The following GRIK1 variants were observed in gnomAD, a reference collection of about 807,000 sequenced individuals.
GRIK1 encodes glutamate ionotropic receptor kainate type subunit 1.
GRIK1 carries 69 observed loss-of-function variants against 105.7 expected under a neutral mutation model. The observed-to-expected ratio is 0.65, with a 90% CI of 0.54 to 0.80. The LOEUF is 0.80. Ranked by LOEUF, GRIK1 falls within the 30% of genes least tolerant of loss-of-function variation. GRIK1 has a pLI of 0.00. For synonymous variants in GRIK1, 438 were observed against 431.3 expected (o/e 1.02, Z -0.19); for missense variants, 1,109 against 1,167.3 (o/e 0.95, Z 0.73).
chr21:29,786,051 G>T (rs2066251878), intron 1 of GRIK1, among the ~76,000 whole-genome samples: 1 of 152,186 alleles, frequency 6.6e-6, no homozygotes, highest in African/African-American at 2.4e-5. Flanking sequence ...GTGCAGTGGC[G>T]ATCTCCGCTC....
chr21:29,751,743 G>T (rs111610746), intron 1 of GRIK1, among the ~76,000 whole-genome samples: 1 of 152,126 alleles, frequency 6.6e-6, no homozygotes, highest in African/African-American at 2.4e-5. Context: ...TGTCCTGGTG[G>T]GTACTGGTAC....
At chr21:29,557,963 C>T (rs2090297483) in intron 15 of GRIK1, among the ~76,000 whole-genome samples, 1 of 152,176 alleles carries the variant, frequency 6.6e-6, no homozygotes, top group Non-Finnish European at 1.5e-5. Context: ...CTCCAGGCTG[C>T]GCAATACCTA....
chr21:29,802,433 C>T (rs1222370119), intron 1 of GRIK1, among the ~76,000 whole-genome samples: 1 of 152,054 alleles, frequency 6.6e-6, no homozygotes, highest in Non-Finnish European at 1.5e-5. Flanking sequence ...TCTGCCTCTT[C>T]CCACCTCCAA....
intron 7 of GRIK1, among the ~76,000 whole-genome samples, chr21:29,631,887 G>A (rs908343329): frequency 2.6e-5 from 4 of 152,010 alleles, no homozygotes; most frequent in Non-Finnish European, 5.9e-5. Context: ...ATGCAACAGT[G>A]CTTCTCTAGA....
intron 9 of GRIK1, among the ~76,000 whole-genome samples, chr21:29,594,360 C>T (rs1005514221): frequency 6.6e-6 from 1 of 152,166 alleles, no homozygotes; most frequent in Non-Finnish European, 1.5e-5. Context: ...GACAGAGGTA[C>T]AGTTAAGAAG....
intron 1 of GRIK1, chr21:29,764,043 G>A (rs2065595248): frequency 6.6e-6 from 1 of 152,196 alleles, no homozygotes; most frequent in Non-Finnish European, 1.5e-5. Flanking sequence ...AAGCAGATGT[G>A]TACACATTCG....
intron 1 of GRIK1, among the ~76,000 whole-genome samples, chr21:29,702,080 G>C (rs1400639499): frequency 6.6e-6 from 1 of 152,114 alleles, no homozygotes; most frequent in Admixed American, 6.6e-5. Context: ...ATGTATAAGT[G>C]GGAGCCAAAT....
At chr21:29,667,411 T>G (rs1161335600) in intron 4 of GRIK1, among the ~76,000 whole-genome samples, 1 of 152,188 alleles carries the variant, frequency 6.6e-6, no homozygotes, top group East Asian at 1.9e-4. Flanking sequence ...GCCATTTTCT[T>G]CTTTGCCTTG....
At chr21:29,842,209 AT>A (rs1025209925) in intron 1 of GRIK1, among the ~76,000 whole-genome samples, 7 of 150,950 alleles carry the variant, frequency 4.6e-5, no homozygotes, top group Non-Finnish European at 7.4e-5. Context: ...AAGATTATGT[AT>A]TTTTTTTTGG....
intron 1 of GRIK1, chr21:29,748,820 A>T (rs915059130): frequency 6.6e-6 from 1 of 152,212 alleles, no homozygotes; most frequent in East Asian, 1.9e-4. Context: ...CCCTTTTCAT[A>T]TTTTTTGTGA....
intron 4 of GRIK1, among the ~76,000 whole-genome samples, chr21:29,661,544 T>A (rs1568945959): frequency 6.6e-6 from 1 of 152,130 alleles, no homozygotes; most frequent in African/African-American, 2.4e-5. Flanking sequence ...CCTCTGTGAG[T>A]AAGAAAAGGC....
chr21:29,584,783 A>T (rs2091095034), intron 12 of GRIK1, among the ~76,000 whole-genome samples: 1 of 152,202 alleles, frequency 6.6e-6, no homozygotes, highest in South Asian at 2.1e-4. Context: ...AATGCAAACC[A>T]CTAAGGTGGT....
At chr21:29,791,713 C>G (rs1413929436) in intron 1 of GRIK1, among the ~76,000 whole-genome samples, 2 of 152,022 alleles carry the variant, frequency 1.3e-5, no homozygotes. Context: ...GTTGAAAGCC[C>G]TAGAGAAATG....
At chr21:29,603,189 A>C (rs1013551777) in intron 7 of GRIK1, among the ~76,000 whole-genome samples, 5 of 152,190 alleles carry the variant, frequency 3.3e-5, no homozygotes, top group East Asian at 1.9e-4. Flanking sequence ...ATTCAGATAG[A>C]GTGGATATTA....
chr21:29,587,219 G>A, intron 12 of GRIK1, 147 bp downstream of exon 12: 1 of 498,156 alleles, frequency 2.0e-6, no homozygotes, highest in Non-Finnish European at 3.6e-6. Flanking sequence ...TTACAGAACG[G>A]CTTTTATATG....
At chr21:29,615,891 G>A (rs933715234) in intron 7 of GRIK1, among the ~76,000 whole-genome samples, 11 of 152,208 alleles carry the variant, frequency 7.2e-5, no homozygotes, top group African/African-American at 2.4e-4. Context: ...AGACTTCAGT[G>A]ACTCTGGGAA....
At chr21:29,560,357 TTTTCTTTCTTCCTTCCTTC>T (rs2090390172) in intron 15 of GRIK1, among the ~76,000 whole-genome samples, 11 of 58,180 alleles carry the variant, frequency 1.9e-4, no homozygotes, top group South Asian at 6.2e-4. Context: ...CTTTCTTTCT[TTTTCTTTCTTCCTTCCTTC>T]CTTCCTTCCT....
rs1482538887 is a variant in GRIK1, at chr21:29,560,360, TCTTTCTTC to T, written c.2356+1256_2356+1263del. On this transcript the variant is annotated intron_variant, in intron 15 of 17. Transcript: ENST00000327783. ...CTTTCTTTCTTTCTTTCTTTCTTTTTCTTTCTTCCTTCCTTCCTTCCTTCCTTCCTTCC... is the reference window on the plus strand; with the variant it reads ...CTTTCTTTCTTTCTTTCTTTCTTTTTCTTCCTTCCTTCCTTCCTTCCTTCC... Among the ~76,000 whole-genome samples the T allele has an allele frequency of 2.3e-3, 106 of 46,936 alleles. 3 individuals carry two copies. The highest frequency in any genetic ancestry group is 4.1e-3 in the Admixed American group (17 of 4,194). 30.8% of individuals were successfully genotyped at this position (46,936 alleles called of 152,430 possible). A position where few individuals can be genotyped will look rare whatever the true frequency, so the allele number is the denominator to read the frequency against.
chr21:29,557,323 G>A (rs914439997), intron 15 of GRIK1, among the ~76,000 whole-genome samples: 1 of 152,120 alleles, frequency 6.6e-6, no homozygotes, highest in African/African-American at 2.4e-5. Flanking sequence ...GAATGATACA[G>A]TCCAGTCCAC....
Sources: gnomAD v4.1 joint callset for allele counts (sites outside exome capture counted in the v4.1 genomes callset) on GRCh38, gnomAD v4.1.1 for gene constraint, MANE v1.5 for transcripts, NCBI Gene and HGNC (gene_info 2026-07-23, HGNC 2026-07-21) for gene names.